KLHL29: variants seen among roughly 807,000 people sequenced by gnomAD.
The protein encoded by KLHL29 is kelch-like protein 29.
KLHL29 carries 21 observed loss-of-function variants against 80.4 expected under a neutral mutation model. The ratio of observed to expected loss-of-function variants is 0.26; its 90% CI spans 0.19 to 0.38. The LOEUF (loss-of-function observed/expected upper bound fraction) is 0.38, where lower values mean the gene tolerates loss of function less well. KLHL29 is among the 10% of genes least tolerant of loss of function. The pLI is 1.00. For synonymous variants in KLHL29, 511 were observed against 526.8 expected, an observed-to-expected ratio of 0.97 and a Z score of 0.41; for missense variants, 867 against 1,223.9, an observed-to-expected ratio of 0.71 and a Z score of 4.35.
chr2:23,491,133 A>G (rs770134633), intron 2 of KLHL29, among the ~76,000 whole-genome samples: 18 of 151,876 alleles, frequency 1.2e-4, no homozygotes, highest in African/African-American at 3.9e-4. Context: ...CCCCAACTCT[A>G]TATCAGATTC....
intron 3 of KLHL29, among the ~76,000 whole-genome samples, chr2:23,589,991 C>G (rs1350965915): frequency 6.6e-6 from 1 of 152,236 alleles, no homozygotes; most frequent in East Asian, 1.9e-4. Flanking sequence ...AGAGCCCAGC[C>G]AGCCCTTCCA....
chr2:23,482,465 G>A (rs58605779), intron 2 of KLHL29, among the ~76,000 whole-genome samples: 1 of 152,164 alleles, frequency 6.6e-6, no homozygotes, highest in Non-Finnish European at 1.5e-5. Flanking sequence ...TGGGAGTGTC[G>A]CTGTGCCCTT....
intron 2 of KLHL29, among the ~76,000 whole-genome samples, chr2:23,536,812 A>G (rs1031039820): frequency 6.6e-6 from 1 of 152,060 alleles, no homozygotes; most frequent in Non-Finnish European, 1.5e-5. Context: ...TACCATGCCT[A>G]TAGTAAAGGA....
At chr2:23,404,590 CTGTAAAAACGATT>C (rs1284120378) in intron 1 of KLHL29, among the ~76,000 whole-genome samples, 12 of 152,192 alleles carry the variant, frequency 7.9e-5, no homozygotes, top group African/African-American at 2.9e-4. Context: ...TCATCAACTA[CTGTAAAAACGATT>C]TGTTTTCTAA....
chr2:23,482,139 C>G (rs1042789905), intron 2 of KLHL29, among the ~76,000 whole-genome samples: 1 of 152,174 alleles, frequency 6.6e-6, no homozygotes, highest in Admixed American at 6.5e-5. Flanking sequence ...GACTCTTTCC[C>G]CAGTCCTGAA....
chr2:23,563,800 T>G (rs1016757026), intron 3 of KLHL29, among the ~76,000 whole-genome samples: 1 of 152,166 alleles, frequency 6.6e-6, no homozygotes, highest in Non-Finnish European at 1.5e-5. Context: ...CTGCAGTGCC[T>G]TATTGATTTT....
intron 1 of KLHL29, among the ~76,000 whole-genome samples, chr2:23,449,847 T>G (rs11885576): frequency 0.15 from 22,169 of 152,108 alleles, 2,759 homozygotes; most frequent in African/African-American, 0.32. Context: ...CCAAGCCCTC[T>G]GGAACCCTGC....
chr2:23,404,455 G>A (rs578083574), intron 1 of KLHL29, among the ~76,000 whole-genome samples: 1 of 152,280 alleles, frequency 6.6e-6, no homozygotes, highest in East Asian at 1.9e-4. Context: ...AAGCATTGAT[G>A]TTTGAGATTT....
At chr2:23,517,296 G>A (rs189490631) in intron 2 of KLHL29, among the ~76,000 whole-genome samples, 2,462 of 152,342 alleles carry the variant, frequency 0.016, 27 homozygotes, top group Non-Finnish European at 0.025. Context: ...TGTAATCCCA[G>A]CACTTTGGGA....
intron 3 of KLHL29, among the ~76,000 whole-genome samples, chr2:23,622,930 G>A (rs1278086583): frequency 1.3e-5 from 2 of 152,202 alleles, no homozygotes; most frequent in African/African-American, 4.8e-5. Context: ...TTACTTGAAA[G>A]TGGCAGAACT....
intron 2 of KLHL29, among the ~76,000 whole-genome samples, chr2:23,517,191 C>T (rs1572371348): frequency 6.6e-6 from 1 of 152,196 alleles, no homozygotes; most frequent in African/African-American, 2.4e-5. Context: ...GTCTGCCGTC[C>T]GCTGAGCTCT....
chr2:23,529,005 C>A (rs1278902476), intron 2 of KLHL29, among the ~76,000 whole-genome samples: 1 of 152,232 alleles, frequency 6.6e-6, no homozygotes, highest in African/African-American at 2.4e-5. Context: ...CCCAGCCCAC[C>A]CTTAAGCCTC....
chr2:23,404,344 G>A (rs1038722125), intron 1 of KLHL29, among the ~76,000 whole-genome samples: 3 of 152,178 alleles, frequency 2.0e-5, no homozygotes, highest in Admixed American at 6.6e-5. Flanking sequence ...TTGTGATGAT[G>A]CTGTTTAAGA....
intron 1 of KLHL29, among the ~76,000 whole-genome samples, chr2:23,417,037 A>C (rs1666994556): frequency 6.6e-6 from 1 of 152,132 alleles, no homozygotes; most frequent in Non-Finnish European, 1.5e-5. Flanking sequence ...TGGCCCTGAC[A>C]GAAGCCTGGG....
intron 2 of KLHL29, among the ~76,000 whole-genome samples, chr2:23,518,082 G>C (rs1405264384): frequency 6.6e-6 from 1 of 152,186 alleles, no homozygotes. Context: ...GGGGAGCATA[G>C]AAGTAATAAT....
rs1349194996 is a variant in KLHL29, at chr2:23,388,986, C to CTT, written c.-154+3207_-154+3208dup. Among the ~76,000 whole-genome samples, 58 of 119,596 alleles carry CTT rather than the reference C, an allele frequency of 4.8e-4. 1 individual carries two copies. Among genetic ancestry groups the CTT allele is most frequent in the African/African-American group, 1.9e-3 (56 of 29,446 alleles). 78.5% of individuals were successfully genotyped at this position (119,596 alleles called of 152,430 possible). On this transcript the variant is annotated intron_variant, in intron 1 of 13. Transcript: ENST00000486442. ...TCCTTCCTTTTTTTCTTTCTTTCTT[C>CTT]TTCTTTTTTTTTTTTTTTTTTTTAA...
chr2:23,667,479 T>G (rs1317118915), intron 5 of KLHL29: 2 of 152,266 alleles, frequency 1.3e-5, no homozygotes, highest in Non-Finnish European at 2.9e-5. Flanking sequence ...ATGGCAGATG[T>G]CAGATCAGAT....
chr2:23,490,597 G>A (rs1006110239), intron 2 of KLHL29, among the ~76,000 whole-genome samples: 6 of 152,064 alleles, frequency 3.9e-5, no homozygotes, highest in Admixed American at 1.3e-4. Context: ...CCAATACCAT[G>A]GGGGAAAAAA....
chr2:23,670,637 T>A (rs1171383223), intron 5 of KLHL29, among the ~76,000 whole-genome samples: 1 of 152,174 alleles, frequency 6.6e-6, no homozygotes, highest in Non-Finnish European at 1.5e-5. Flanking sequence ...TCATGCCTAT[T>A]AAGATTTTCT....
Sources: allele counts gnomAD v4.1 joint callset (sites outside exome capture counted in the v4.1 genomes callset), GRCh38; gene constraint gnomAD v4.1.1; transcripts MANE v1.5; gene names NCBI Gene and HGNC (gene_info 2026-07-23, HGNC 2026-07-21).